URGCP: variants seen among roughly 807,000 people sequenced by gnomAD.
The protein encoded by URGCP is up-regulator of cell proliferation.
URGCP carries 13 observed loss-of-function variants against 24.6 expected under a neutral mutation model. The ratio of observed to expected loss-of-function variants is 0.53; its 90% CI spans 0.34 to 0.84. URGCP has a LOEUF of 0.84. Ranked by LOEUF, URGCP falls within the 40% of genes least tolerant of loss-of-function variation. The pLI is 0.01. For synonymous variants in URGCP, 444 were observed against 487.2 expected, an observed-to-expected ratio of 0.91 and a Z score of 1.17; for missense variants, 899 against 1,194.3, an observed-to-expected ratio of 0.75 and a Z score of 3.64.
intron 1 of URGCP, chr7:43,888,840 A>T (rs1445613558): frequency 2.0e-5 from 3 of 152,256 alleles, no homozygotes; most frequent in Non-Finnish European, 4.4e-5. Flanking sequence ...TGTTGTGGCA[A>T]TGGGCATGCC....
intron 1 of URGCP, among the ~76,000 whole-genome samples, chr7:43,904,236 T>C (rs2095897001): frequency 6.6e-6 from 1 of 152,348 alleles, no homozygotes; most frequent in African/African-American, 2.4e-5. Context: ...CACTGGGCCA[T>C]GGGGCATTTC....
At chr7:43,926,677 G>A (rs2095931634), upstream of URGCP, 1 of 1,091,562 alleles carries the variant, frequency 9.2e-7, no homozygotes, top group Middle Eastern at 2.1e-4. Flanking sequence ...CACCTGCCTG[G>A]GAAGGAGGCA....
intron 5 of URGCP, chr7:43,881,080 C>T (rs2132653403): frequency 6.1e-6 from 4 of 659,938 alleles, no homozygotes; most frequent in South Asian, 3.4e-5. Context: ...TGTGCCAAAA[C>T]AGGTGTTACT....
At chr7:43,916,025 C>A (rs1451733392) in intron 1 of URGCP, among the ~76,000 whole-genome samples, 1 of 152,086 alleles carries the variant, frequency 6.6e-6, no homozygotes, top group African/African-American at 2.4e-5. Flanking sequence ...AAAAAAGTTT[C>A]TCTCCCTGTT....
intron 1 of URGCP, among the ~76,000 whole-genome samples, chr7:43,912,569 CA>C (rs979185219): frequency 1.7e-3 from 262 of 150,494 alleles, no homozygotes; most frequent in African/African-American, 6.0e-3. Context: ...CTTCAGATTC[CA>C]TATGAACTTT....
intron 1 of URGCP, among the ~76,000 whole-genome samples, chr7:43,899,211 A>C (rs1246736336): frequency 6.8e-6 from 1 of 147,628 alleles, no homozygotes; most frequent in Non-Finnish European, 1.5e-5. Context: ...TATAATACAA[A>C]TATAAATATT....
Position 43,919,078 on chromosome 7 carries a change from G to T in URGCP, c.-116+7054C>A, listed in dbSNP as rs1585840873. On this transcript the variant is annotated intron_variant, in intron 1 of 5. Coordinates refer to the URGCP transcript ENST00000426198. ...AACATCACAGACCAGGAGGCAGATG[G>T]TAGTGACAATCTAGATGGCTTTGTG... 4 of 952,328 alleles carry T rather than the reference G, an allele frequency of 4.2e-6. No individual in the cohort carries two copies. The South Asian group carries it at 5.1e-5, about 12-fold the overall frequency. 59.0% of individuals were successfully genotyped at this position (952,328 alleles called of 1,614,324 possible).
chr7:43,895,712 G>A (rs1386465775), intron 1 of URGCP, among the ~76,000 whole-genome samples: 1 of 152,312 alleles, frequency 6.6e-6, no homozygotes, highest in African/African-American at 2.4e-5. Flanking sequence ...TGGTAAGGAT[G>A]TGGAGTAAAG....
upstream of URGCP, chr7:43,926,509 C>T: frequency 6.6e-7 from 1 of 1,519,684 alleles, no homozygotes; most frequent in Non-Finnish European, 8.8e-7. Context: ...GCCGGGCCGC[C>T]CGGGTCCCCG....
chr7:43,914,502 C>CA (rs1164893966), intron 1 of URGCP, among the ~76,000 whole-genome samples: 1 of 151,918 alleles, frequency 6.6e-6, no homozygotes, highest in African/African-American at 2.4e-5. Context: ...GAGAGTGTCT[C>CA]AAAAAAATAA....
intron 1 of URGCP, among the ~76,000 whole-genome samples, chr7:43,917,443 C>T (rs1249438815): frequency 1.3e-5 from 2 of 152,172 alleles, no homozygotes; most frequent in Non-Finnish European, 2.9e-5. Context: ...AACTTTGCTG[C>T]AGGCCTCCAT....
chr7:43,882,166 T>TG, intron 3 of URGCP: 1 of 637,092 alleles, frequency 1.6e-6, no homozygotes, highest in Non-Finnish European at 2.4e-6. Flanking sequence ...AGGCCAGGCA[T>TG]GGTGGCTCAT....
Position 43,877,436 on chromosome 7 carries a change from G to T in URGCP, c.2027C>A (p.Thr676Lys). ...GACGTGCAGCTCCTTCAGGAGCCCT[G>T]TGACCCAGCGGACGGGCATGCTCAG... is the stretch of plus-strand genomic sequence containing the variant. ...STLSMPVRWV[T>K]GLLKELHVRL... The change falls in exon 6 of 6, where the codon ACA becomes AAA. Residue 676 changes from threonine to lysine, a missense_variant. Physicochemically the swap from Thr to Lys is moderately conservative, Grantham distance 78. Coordinates refer to ENST00000453200, the MANE Select transcript of URGCP (RefSeq NM_001077663.3). 1 of 1,613,578 alleles carries T rather than the reference G, an allele frequency of 6.2e-7. No individual in the cohort carries two copies. The highest frequency in any genetic ancestry group is 8.5e-7 in the Non-Finnish European group (1 of 1,179,964).
At chr7:43,881,806 A>T in intron 4 of URGCP, 101 bp downstream of exon 4, 1 of 1,605,456 alleles carries the variant, frequency 6.2e-7, no homozygotes, top group Non-Finnish European at 8.5e-7. Context: ...CAAGATGGCA[A>T]CTTCTCCCAA....
At chr7:43,891,172 T>C (rs551499458) in intron 1 of URGCP, among the ~76,000 whole-genome samples, 255 of 152,282 alleles carry the variant, frequency 1.7e-3, no homozygotes, top group African/African-American at 5.9e-3. Context: ...ATGCCTAGAA[T>C]AGATAGGGCA....
intron 1 of URGCP, among the ~76,000 whole-genome samples, chr7:43,925,898 G>A (rs2095929397): frequency 1.4e-5 from 2 of 146,746 alleles, no homozygotes; most frequent in Non-Finnish European, 3.0e-5. Flanking sequence ...CTCTGACCTA[G>A]ACGCCTGCCA....
intron 1 of URGCP, among the ~76,000 whole-genome samples, chr7:43,898,135 A>C (rs906234578): frequency 3.9e-5 from 6 of 152,310 alleles, no homozygotes; most frequent in Admixed American, 2.0e-4. Flanking sequence ...CATGCTCTAC[A>C]ACCTCCACCT....
exon 1 of URGCP, chr7:43,926,353 C>T (rs2095930367): frequency 3.2e-6 from 1 of 316,018 alleles, no homozygotes. Context: ...CGGGCAGCCC[C>T]GCTGCTTCCC....
chr7:43,919,352 G>A (rs759469162), intron 1 of URGCP: 41 of 846,674 alleles, frequency 4.8e-5, no homozygotes, highest in Non-Finnish European at 7.5e-5. Flanking sequence ...ACCAGATCCT[G>A]CACATCCAGA....
Sources: allele counts gnomAD v4.1 joint callset (sites outside exome capture counted in the v4.1 genomes callset), GRCh38; gene constraint gnomAD v4.1.1; transcripts MANE v1.5; gene names NCBI Gene and HGNC (gene_info 2026-07-23, HGNC 2026-07-21).